Variants in MAPRE3 observed in about 807,000 individuals in gnomAD.
MAPRE3 encodes microtubule-associated protein RP/EB family member 3.
In MAPRE3, 2 loss-of-function variants were observed where a neutral mutation model predicts 30.5. The observed-to-expected ratio is 0.07, with a 90% confidence interval of 0.03 to 0.21. The LOEUF (loss-of-function observed/expected upper bound fraction) is 0.21, where lower values mean the gene tolerates loss of function less well. MAPRE3 is among the 10% of genes least tolerant of loss of function. MAPRE3 has a pLI of 1.00. For synonymous variants in MAPRE3, 110 were observed against 127.7 expected (o/e 0.86, Z 0.93); for missense variants, 204 against 351.8 (o/e 0.58, Z 3.36).
chr2:26,993,227 G>A (rs758612043), intron 1 of MAPRE3, among the ~76,000 whole-genome samples: 12 of 152,052 alleles, frequency 7.9e-5, no homozygotes, highest in Non-Finnish European at 1.2e-4. Flanking sequence ...AAACTTAGCC[G>A]GGAGTGGTGG....
chr2:27,010,710 T>C (rs1666837604), intron 1 of MAPRE3, among the ~76,000 whole-genome samples: 1 of 152,152 alleles, frequency 6.6e-6, no homozygotes, highest in African/African-American at 2.4e-5. Context: ...CCCAAAGTGC[T>C]GGGATTACAG....
intron 1 of MAPRE3, among the ~76,000 whole-genome samples, chr2:27,021,726 A>C (rs574483073): frequency 3.9e-5 from 6 of 152,308 alleles, no homozygotes; most frequent in African/African-American, 1.4e-4. Flanking sequence ...CACGACTCAG[A>C]GTGCCCGGAA....
Position 27,022,304 on chromosome 2 carries a change from A to C in MAPRE3, c.86A>C (p.His29Pro). 1 of 1,614,160 alleles carries C rather than the reference A, an allele frequency of 6.2e-7. No individual in the cohort carries two copies. The highest frequency in any genetic ancestry group is 8.5e-7 in the Non-Finnish European group (1 of 1,180,032). ...CTTGCATGGGTCAACGACTCCCTGC[A>C]CCTCAACTATACCAAGATAGAACAG... is the stretch of plus-strand genomic sequence containing the variant. ...DMLAWVNDSL[H>P]LNYTKIEQLC... Residue 29 changes from histidine (H) to proline (P), a missense_variant, in exon 2 of 7, where the codon CAC (histidine) becomes CCC (proline). Physicochemically the swap from His to Pro is moderately conservative, Grantham distance 77. Coordinates refer to ENST00000233121, the MANE Select transcript of MAPRE3 (RefSeq NM_012326.4).
chr2:26,987,704 A>G (rs923694855), intron 1 of MAPRE3, among the ~76,000 whole-genome samples: 4 of 152,196 alleles, frequency 2.6e-5, no homozygotes, highest in Non-Finnish European at 4.4e-5. Flanking sequence ...AGAATTTCAA[A>G]AAGAGATCTG....
chr2:27,013,033 G>A (rs1160356288), intron 1 of MAPRE3: 1 of 152,546 alleles, frequency 6.6e-6, no homozygotes, highest in African/African-American at 2.4e-5. Context: ...TAGTTCCAAA[G>A]GAACATAAAG....
rs187906393 is a variant in MAPRE3 at position 27,023,652 on chromosome 2, A to T, written c.267+175A>T. ...TGCTCAAGGCACAATGGAAAAGCCC[A>T]CAACACTTGCCATGCCATCATGACA... is the stretch of plus-strand genomic sequence containing the variant. On this transcript the variant is annotated intron_variant, in intron 3 of 6. Transcript: ENST00000233121. 5.8e-5 allele frequency: 40 copies of T among 694,518 alleles called. No individual in the cohort carries two copies. The African/African-American group carries it at 6.4e-4, about 11-fold the overall frequency. The allele number at this position is 694,518 out of a possible 1,614,324, so 43.0% of individuals were successfully genotyped here.
chr2:26,996,446 A>G (rs187866870), intron 1 of MAPRE3, among the ~76,000 whole-genome samples: 6 of 152,204 alleles, frequency 3.9e-5, no homozygotes, highest in African/African-American at 9.6e-5. Flanking sequence ...GTGAGCCATC[A>G]CACCCAGCCA....
At chr2:26,978,786 T>C (rs1266821206) in intron 1 of MAPRE3, among the ~76,000 whole-genome samples, 1 of 152,264 alleles carries the variant, frequency 6.6e-6, no homozygotes, top group African/African-American at 2.4e-5. Flanking sequence ...TGTTTTGTAT[T>C]GTTAGTCACT....
At chr2:26,989,239 A>G (rs570401889) in intron 1 of MAPRE3, among the ~76,000 whole-genome samples, 15 of 152,280 alleles carry the variant, frequency 9.9e-5, no homozygotes, top group African/African-American at 3.4e-4. Context: ...GTTTTGCAGA[A>G]CATCCAGAAA....
At chr2:26,976,293 C>G (rs1369891660) in intron 1 of MAPRE3, among the ~76,000 whole-genome samples, 1 of 152,162 alleles carries the variant, frequency 6.6e-6, no homozygotes, top group Admixed American at 6.6e-5. Flanking sequence ...AGTTGGCCAG[C>G]TGTATTTTCT....
In MAPRE3 at chr2:27,027,174, A is replaced by C. The variant is rs1667263562; in HGVS notation, c.*826A>C. The C allele has an allele frequency of 6.6e-6, 1 of 152,358 alleles. No individual in the cohort carries two copies. The highest frequency in any genetic ancestry group is 6.5e-5 in the Admixed American group (1 of 15,274). 9.4% of individuals were successfully genotyped at this position (152,358 alleles called of 1,614,324 possible). A position where few individuals can be genotyped will look rare whatever the true frequency, so the allele number is the denominator to read the frequency against. Reference sequence around the variant, plus strand: ...CTGCATATGTGTTCACTTTTATTTAAATAAACTTGTGTGGTAAAAGTACAT... The same window carrying C: ...CTGCATATGTGTTCACTTTTATTTACATAAACTTGTGTGGTAAAAGTACAT... On this transcript the variant is annotated 3_prime_UTR_variant, in exon 7 of 7. Transcript: ENST00000233121.
intron 6 of MAPRE3, 118 bp downstream of exon 6, chr2:27,026,150 A>C (rs949600114): frequency 1.3e-5 from 19 of 1,436,772 alleles, no homozygotes; most frequent in Non-Finnish European, 1.8e-5. Context: ...AGGTGAAGTC[A>C]CTAGCCCAGG....
At chr2:27,010,721 G>A (rs972943953) in intron 1 of MAPRE3, among the ~76,000 whole-genome samples, 1 of 152,098 alleles carries the variant, frequency 6.6e-6, no homozygotes, top group African/African-American at 2.4e-5. Context: ...GGGATTACAG[G>A]CATGAGCCAC....
chr2:26,999,470 T>C (rs1666537215), intron 1 of MAPRE3, among the ~76,000 whole-genome samples: 1 of 145,502 alleles, frequency 6.9e-6, no homozygotes, highest in Admixed American at 7.3e-5. Context: ...CACTTTTTTC[T>C]TCTTTCTTTC....
chr2:27,023,760 T>C (rs1667164958), intron 3 of MAPRE3: 1 of 508,690 alleles, frequency 2.0e-6, no homozygotes, highest in Non-Finnish European at 3.6e-6. Context: ...GTTCCACCTC[T>C]CTCTGTCTCT....
intron 1 of MAPRE3, among the ~76,000 whole-genome samples, chr2:26,992,529 T>C (rs1442748100): frequency 7.4e-6 from 1 of 134,538 alleles, no homozygotes; most frequent in Admixed American, 7.5e-5. Flanking sequence ...CCGGCCCAGA[T>C]AATTTTTTTT....
chr2:27,007,311 T>C (rs891143519), intron 1 of MAPRE3, among the ~76,000 whole-genome samples: 2 of 152,216 alleles, frequency 1.3e-5, no homozygotes, highest in African/African-American at 4.8e-5. Context: ...GGAAGAAGTT[T>C]GGACTTGGTT....
Position 27,005,909 on chromosome 2 carries a change from G to A in MAPRE3, c.-7-16303G>A, listed in dbSNP as rs550883228. Reference sequence around the variant, plus strand: ...AAAACCAAGAGTGTGTCGGCCGGGCGCGGTGGCTCACGCCTGTAATCCCAG... The same window carrying A: ...AAAACCAAGAGTGTGTCGGCCGGGCACGGTGGCTCACGCCTGTAATCCCAG... On this transcript the variant is annotated intron_variant, in intron 1 of 6. Coordinates refer to ENST00000233121, the MANE Select transcript of MAPRE3 (RefSeq NM_012326.4). 2.4e-4 allele frequency among the ~76,000 whole-genome samples: 37 copies of A among 152,192 alleles called. No individual in the cohort carries two copies. In the South Asian group the frequency reaches 5.4e-3, roughly 22 times the overall value.
intron 1 of MAPRE3, among the ~76,000 whole-genome samples, chr2:26,999,488 C>CTTTTTTTTTTTTTTTTTT (rs531651199): frequency 1.3e-5 from 1 of 79,006 alleles, no homozygotes; most frequent in African/African-American, 5.3e-5. Context: ...TTCCTTCTTT[C>CTTTTTTTTTTTTTTTTTT]TTTTTTTTTT....
Sources: allele counts gnomAD v4.1 joint callset (sites outside exome capture counted in the v4.1 genomes callset), GRCh38; gene constraint gnomAD v4.1.1; transcripts MANE v1.5; gene names NCBI Gene and HGNC (gene_info 2026-07-23, HGNC 2026-07-21).